CNDP1: variants seen among roughly 807,000 people sequenced by gnomAD.
CNDP1 encodes the protein carnosine dipeptidase 1, also known as beta-Ala-His dipeptidase.
In CNDP1, 44 loss-of-function variants were observed where a neutral mutation model predicts 58.1. The ratio of observed to expected loss-of-function variants is 0.76; its 90% CI spans 0.60 to 0.97. The LOEUF (loss-of-function observed/expected upper bound fraction) is 0.97. Ranked by LOEUF, CNDP1 falls within the 50% of genes least tolerant of loss-of-function variation. The pLI, the probability that CNDP1 is intolerant of heterozygous loss-of-function variation, is 0.00. For missense variants in CNDP1, 616 were observed against 655.1 expected (o/e 0.94, Z 0.65); for synonymous variants, 254 against 252.6 (o/e 1.01, Z -0.05).
At chr18:74,538,553 T>G (rs1328754081) in intron 1 of CNDP1, among the ~76,000 whole-genome samples, 1 of 152,222 alleles carries the variant, frequency 6.6e-6, no homozygotes, top group African/African-American at 2.4e-5. Context: ...GGTGTGTACC[T>G]GGGAGTGGAA....
chr18:74,556,740 G>A (rs1981052311), intron 2 of CNDP1, among the ~76,000 whole-genome samples: 1 of 152,172 alleles, frequency 6.6e-6, no homozygotes, highest in African/African-American at 2.4e-5. Context: ...CACCTCCGCT[G>A]AGCTCAAGTC....
chr18:74,569,298 G>A (rs1256349215), intron 6 of CNDP1, among the ~76,000 whole-genome samples: 4 of 152,126 alleles, frequency 2.6e-5, no homozygotes, highest in Non-Finnish European at 5.9e-5. Context: ...AGACCAGCTG[G>A]GCAGGAAGGA....
chr18:74,562,431 C>T (rs1568296549), intron 5 of CNDP1, among the ~76,000 whole-genome samples: 1 of 152,202 alleles, frequency 6.6e-6, no homozygotes, highest in Non-Finnish European at 1.5e-5. Context: ...ACACAACAAG[C>T]CTGTGGCCAA....
intron 9 of CNDP1, among the ~76,000 whole-genome samples, chr18:74,579,228 C>G (rs992783422): frequency 1.4e-5 from 2 of 143,122 alleles, no homozygotes; most frequent in African/African-American, 5.2e-5. Flanking sequence ...CCCTTCCCTT[C>G]CCTCACCTCC....
intron 1 of CNDP1, among the ~76,000 whole-genome samples, chr18:74,538,927 C>T (rs896160824): frequency 6.6e-6 from 1 of 152,080 alleles, no homozygotes; most frequent in African/African-American, 2.4e-5. Flanking sequence ...AAAAAGTCTC[C>T]CTAGATTTTT....
At position 74,562,054 on chromosome 18, in the gene CNDP1, T is replaced by G. The variant is rs1981214256; in HGVS notation, c.474T>G (p.Leu158=). 6.2e-7 allele frequency: 1 copy of G among 1,613,916 alleles called. No individual in the cohort carries two copies. The highest frequency in any genetic ancestry group is 1.1e-5 in the South Asian group (1 of 91,080). The change falls in exon 5 of 12, where the codon CTT becomes CTG. Residue 158 remains leucine, a synonymous_variant. Coordinates refer to ENST00000358821, the MANE Select transcript of CNDP1 (RefSeq NM_032649.6). ...CTTCTCCCCTTTTTAAAGGGAAACT[T>G]TATGGACGAGGAGCGACCGACAACA... ...PYVLTEVDGK[L]YGRGATDNKG...
rs112762536 is a variant in CNDP1 at position 74,567,065 on chromosome 18, C to T, written c.556-168C>T. 1,007 of 615,058 alleles carry T rather than the reference C, an allele frequency of 1.6e-3. 11 individuals carry two copies. The highest frequency in any genetic ancestry group is 0.015 in the African/African-American group (837 of 54,242). 38.1% of individuals were successfully genotyped at this position (615,058 alleles called of 1,614,324 possible). A position where few individuals can be genotyped will look rare whatever the true frequency, so the allele number is the denominator to read the frequency against. On this transcript the variant is annotated intron_variant, in intron 5 of 11. Coordinates refer to ENST00000358821, the MANE Select transcript of CNDP1 (RefSeq NM_032649.6). The stretch of plus-strand genomic sequence containing the variant: ...ATCTCATGAGACTTACTCACTATCA[C>T]GAGAATAGCACAGGAAAGACTGGCC...
At chr18:74,547,976 C>T (rs556018978) in intron 1 of CNDP1, among the ~76,000 whole-genome samples, 235 of 152,282 alleles carry the variant, frequency 1.5e-3, no homozygotes, top group African/African-American at 5.3e-3. Context: ...CTCAGGGTCC[C>T]ATAGCCAGTG....
In CNDP1 at chr18:74,559,458, A is replaced by G. The variant is rs369796516; in HGVS notation, c.289A>G (p.Met97Val). The G allele has an allele frequency of 4.4e-6, 7 of 1,608,724 alleles. No individual in the cohort carries two copies. Among genetic ancestry groups the G allele is most frequent in the Middle Eastern group, 1.7e-4 (1 of 5,954 alleles). Residue 97 changes from methionine (M) to valine (V), a missense_variant, in exon 3 of 12, where the codon ATG (methionine) becomes GTG (valine). Coordinates refer to ENST00000358821, the MANE Select transcript of CNDP1 (RefSeq NM_032649.6). The part of the protein sequence containing the change: ...RLGARVASVD[M>V]GPQQLPDGQS... Reference sequence around the variant, plus strand: ...GGGGGCCCGTGTGGCCTCGGTGGACATGGGTCCTCAGCAGGTGCTGTACGA... The same window carrying G: ...GGGGGCCCGTGTGGCCTCGGTGGACGTGGGTCCTCAGCAGGTGCTGTACGA...
chr18:74,558,874 C>T (rs1981112704), intron 2 of CNDP1, among the ~76,000 whole-genome samples: 1 of 152,120 alleles, frequency 6.6e-6, no homozygotes, highest in African/African-American at 2.4e-5. Flanking sequence ...TTAGGAGGGA[C>T]CTGCAGCCCA....
intron 1 of CNDP1, among the ~76,000 whole-genome samples, chr18:74,540,328 T>G (rs1568289923): frequency 6.6e-6 from 1 of 152,262 alleles, no homozygotes; most frequent in East Asian, 1.9e-4. Flanking sequence ...CAACTAATTT[T>G]TGTATATTTT....
chr18:74,536,801 A>T (rs1473019530), intron 1 of CNDP1, among the ~76,000 whole-genome samples: 1 of 152,224 alleles, frequency 6.6e-6, no homozygotes, highest in African/African-American at 2.4e-5. Flanking sequence ...CCTCACTTGC[A>T]TCTGTTATTT....
intron 7 of CNDP1, among the ~76,000 whole-genome samples, chr18:74,572,347 C>T (rs73973910): frequency 0.047 from 7,099 of 152,142 alleles, 543 homozygotes; most frequent in African/African-American, 0.16. Flanking sequence ...CTTACAGGAG[C>T]TCCTTCCACA....
At chr18:74,577,288 C>T (rs60883688) in intron 8 of CNDP1, 3,851 of 292,550 alleles carry the variant, frequency 0.013, 137 homozygotes, top group African/African-American at 0.073. Flanking sequence ...CCATGTTTTC[C>T]AAAGCTGTTC....
intron 9 of CNDP1, among the ~76,000 whole-genome samples, chr18:74,578,774 T>C (rs530670851): frequency 1.3e-5 from 2 of 152,314 alleles, no homozygotes; most frequent in East Asian, 3.9e-4. Flanking sequence ...TACACATAGA[T>C]GGAGTAGGGA....
chr18:74,537,866 T>A (rs1338307086), intron 1 of CNDP1, among the ~76,000 whole-genome samples: 2 of 152,232 alleles, frequency 1.3e-5, no homozygotes, highest in African/African-American at 4.8e-5. Context: ...GCGGCATTCT[T>A]GTTAAAACCA....
At chr18:74,571,728 C>T (rs1363840021) in intron 7 of CNDP1, among the ~76,000 whole-genome samples, 2 of 152,148 alleles carry the variant, frequency 1.3e-5, no homozygotes, top group Non-Finnish European at 2.9e-5. Context: ...AGGAACTAAG[C>T]GACACACCAG....
chr18:74,543,806 C>T (rs1176524542), intron 1 of CNDP1, among the ~76,000 whole-genome samples: 1 of 152,066 alleles, frequency 6.6e-6, no homozygotes, highest in East Asian at 1.9e-4. Context: ...GAAATGAGGC[C>T]AGGCACTATG....
chr18:74,548,028 G>A (rs981107249), intron 1 of CNDP1, among the ~76,000 whole-genome samples: 20 of 152,242 alleles, frequency 1.3e-4, no homozygotes, highest in South Asian at 2.1e-4. Flanking sequence ...TACCCCCGCC[G>A]AAAAGACTCT....
Sources: gnomAD v4.1 joint callset for allele counts (sites outside exome capture counted in the v4.1 genomes callset) on GRCh38, gnomAD v4.1.1 for gene constraint, MANE v1.5 for transcripts, NCBI Gene and HGNC (gene_info 2026-07-23, HGNC 2026-07-21) for gene names.